The following GRM5 variants were observed in gnomAD, a reference collection of about 807,000 sequenced individuals.
The protein encoded by GRM5 is glutamate metabotropic receptor 5.
GRM5 carries 19 observed loss-of-function variants against 83.1 expected under a neutral mutation model. The ratio of observed to expected loss-of-function variants is 0.23; its 90% CI spans 0.16 to 0.34. The LOEUF is 0.34. Among genes scored for constraint, GRM5 ranks in the 10% least tolerant of loss-of-function variants. The probability of loss-of-function intolerance (pLI) is 1.00; values close to 1 mark genes in which losing one functional copy is unlikely to be tolerated. For missense variants in GRM5, 1,160 were observed against 1,588.3 expected (o/e 0.73, Z 4.58); for synonymous variants, 675 against 633.6 (o/e 1.07, Z -0.98).
chr11:88,974,956 A>G (rs1272296551), intron 2 of GRM5, among the ~76,000 whole-genome samples: 1 of 152,228 alleles, frequency 6.6e-6, no homozygotes, highest in Non-Finnish European at 1.5e-5. Flanking sequence ...GGATGGGAAT[A>G]TCAAACACAG....
At position 88,833,076 on chromosome 11, in the gene GRM5, T is replaced by TA. The variant is rs370063487; in HGVS notation, c.911+16829dup. On this transcript the variant is annotated intron_variant, in intron 3 of 9. Transcript: ENST00000305447. ...AGGCAAAGATTTTATAGCTAAGACCTAAAAAACACAGACAACAAAAACAAA... is the reference window on the plus strand; with the variant it reads ...AGGCAAAGATTTTATAGCTAAGACCTAAAAAAACACAGACAACAAAAACAAA... 3.7e-3 allele frequency among the ~76,000 whole-genome samples: 556 copies of TA among 152,058 alleles called. 3 individuals carry two copies. Among genetic ancestry groups the TA allele is most frequent in the African/African-American group, 0.013 (521 of 41,506 alleles).
At position 88,851,936 on chromosome 11, in the gene GRM5, G is replaced by A. The variant is rs192022578; in HGVS notation, c.662-1781C>T. Among the ~76,000 whole-genome samples, 9 of 152,246 alleles carry A rather than the reference G, an allele frequency of 5.9e-5. No individual in the cohort carries two copies. In the East Asian group the frequency reaches 1.5e-3, roughly 26 times the overall value. ...GGCACTTTCTGAAAAATGTGCCAAA[G>A]GGCCTAAATTACCAGTTTTACACTA... On this transcript the variant is annotated intron_variant, in intron 2 of 9. Transcript: ENST00000305447.
At chr11:88,863,124 A>G (rs1944595806) in intron 2 of GRM5, among the ~76,000 whole-genome samples, 1 of 152,120 alleles carries the variant, frequency 6.6e-6, no homozygotes, top group Non-Finnish European at 1.5e-5. Flanking sequence ...GATGCTGGTG[A>G]GGTTGTGGAG....
chr11:88,879,137 A>G (rs1195650011), intron 2 of GRM5, among the ~76,000 whole-genome samples: 1 of 152,144 alleles, frequency 6.6e-6, no homozygotes, highest in South Asian at 2.1e-4. Flanking sequence ...ATAAAATGTG[A>G]GGAAAAATTT....
chr11:88,717,322 G>T (rs1318588395), intron 3 of GRM5, among the ~76,000 whole-genome samples: 1 of 151,806 alleles, frequency 6.6e-6, no homozygotes, highest in African/African-American at 2.4e-5. Context: ...ATAGATAAAT[G>T]ACATTTGTTA....
Position 88,845,423 on chromosome 11 carries a change from C to CTTTTTTTTTTTTTTTTT in GRM5, c.911+4466_911+4482dup, listed in dbSNP as rs71046265. On this transcript the variant is annotated intron_variant, in intron 3 of 9. Transcript: ENST00000305447. ...AGGCTACAGTACAGTATAAACATAA[C>CTTTTTTTTTTTTTTTTT]TTTTTTTTTTTTTTTTTTTTTTTTT... is the stretch of plus-strand genomic sequence containing the variant. Among the ~76,000 whole-genome samples, 15 of 92,440 alleles carry CTTTTTTTTTTTTTTTTT rather than the reference C, an allele frequency of 1.6e-4. 5 individuals carry two copies. The highest frequency in any genetic ancestry group is 2.7e-4 in the African/African-American group (6 of 22,228). 60.6% of individuals were successfully genotyped at this position (92,440 alleles called of 152,430 possible).
intron 3 of GRM5, among the ~76,000 whole-genome samples, chr11:88,730,637 G>C (rs1941786667): frequency 1.3e-5 from 2 of 152,068 alleles, no homozygotes; most frequent in South Asian, 4.2e-4. Flanking sequence ...ATCAATGATA[G>C]ACTAGATAAA....
intron 3 of GRM5, among the ~76,000 whole-genome samples, chr11:88,757,965 A>G (rs897609311): frequency 1.3e-5 from 2 of 152,140 alleles, no homozygotes; most frequent in African/African-American, 4.8e-5. Context: ...GTTTGAGGGC[A>G]CAGTCCAGGA....
intron 2 of GRM5, among the ~76,000 whole-genome samples, chr11:89,002,981 C>T (rs1334532669): frequency 1.5e-5 from 2 of 132,490 alleles, no homozygotes; most frequent in Non-Finnish European, 3.5e-5. Flanking sequence ...TCCATCTTTA[C>T]ATTTCCTTTA....
In GRM5 at chr11:88,719,990, A is replaced by G. The variant is rs1051240081; in HGVS notation, c.912-66587T>C. Among the ~76,000 whole-genome samples, 76 of 152,070 alleles carry G rather than the reference A, an allele frequency of 5.0e-4. 1 individual carries two copies. Among genetic ancestry groups the G allele is most frequent in the Non-Finnish European group, 1.9e-4 (13 of 68,010 alleles). ...ACCTTTGTCAGATACATAGTTTGCA[A>G]AAATGTTCTCCCATTCTGTAGCTTG... On this transcript the variant is annotated intron_variant, in intron 3 of 9. Transcript: ENST00000305447.
chr11:88,757,679 G>T (rs1160008329), intron 3 of GRM5, among the ~76,000 whole-genome samples: 1 of 152,032 alleles, frequency 6.6e-6, no homozygotes, highest in East Asian at 1.9e-4. Context: ...CTCCCCCACT[G>T]CTACGAATGC....
At chr11:88,669,256 A>G (rs1331147228) in intron 3 of GRM5, among the ~76,000 whole-genome samples, 1 of 152,156 alleles carries the variant, frequency 6.6e-6, no homozygotes, top group Non-Finnish European at 1.5e-5. Context: ...TGCCGTCAAT[A>G]AATTAAAGAA....
chr11:89,038,689 C>G (rs1283679139), intron 2 of GRM5, among the ~76,000 whole-genome samples: 1 of 152,126 alleles, frequency 6.6e-6, no homozygotes, highest in Non-Finnish European at 1.5e-5. Flanking sequence ...CAAAAATATG[C>G]TCAAAAGATA....
At chr11:89,022,411 G>A (rs547385014) in intron 2 of GRM5, among the ~76,000 whole-genome samples, 50 of 151,742 alleles carry the variant, frequency 3.3e-4, no homozygotes, top group African/African-American at 1.2e-3. Flanking sequence ...GGGAGGCCAA[G>A]GGGGGCAGGT....
chr11:88,658,760 G>T (rs1402429682), intron 3 of GRM5, among the ~76,000 whole-genome samples: 3 of 152,158 alleles, frequency 2.0e-5, no homozygotes, highest in Non-Finnish European at 2.9e-5. Flanking sequence ...GAAAAAAATT[G>T]TTAATCAAGG....
At chr11:88,938,073 A>T (rs1937959494) in intron 2 of GRM5, among the ~76,000 whole-genome samples, 1 of 151,780 alleles carries the variant, frequency 6.6e-6, no homozygotes, top group Admixed American at 6.6e-5. Context: ...AAGGAAAATG[A>T]TTATGTGAGG....
At chr11:88,746,912 A>C (rs1942157055) in intron 3 of GRM5, among the ~76,000 whole-genome samples, 2 of 152,162 alleles carry the variant, frequency 1.3e-5, no homozygotes, top group Non-Finnish European at 2.9e-5. Flanking sequence ...TATCGTTTAG[A>C]CCTTGTGTTT....
At chr11:89,064,940 GGGAGAGAGAGAT>G (rs1221117576) in intron 1 of GRM5, among the ~76,000 whole-genome samples, 30 of 43,582 alleles carry the variant, frequency 6.9e-4, no homozygotes, top group East Asian at 2.2e-3. Flanking sequence ...GAGAGAGAGA[GGGAGAGAGAGAT>G]ATTATTTTTG....
At chr11:88,976,900 T>C (rs2135015496) in intron 2 of GRM5, among the ~76,000 whole-genome samples, 1 of 151,968 alleles carries the variant, frequency 6.6e-6, no homozygotes, top group East Asian at 1.9e-4. Context: ...TCCTGTATAC[T>C]TAGCATATTC....
Sources: allele counts gnomAD v4.1 joint callset (sites outside exome capture counted in the v4.1 genomes callset), GRCh38; gene constraint gnomAD v4.1.1; transcripts MANE v1.5; gene names NCBI Gene and HGNC (gene_info 2026-07-23, HGNC 2026-07-21).